Variants in ANKFN1 observed in about 807,000 individuals in gnomAD.
ANKFN1 encodes the protein ankyrin repeat and fibronectin type-III domain-containing protein 1.
Under a neutral mutation model 108.7 loss-of-function variants are expected in ANKFN1, and 74 were observed. The observed-to-expected ratio is 0.68, with a 90% CI of 0.56 to 0.83. The LOEUF is 0.83. Ranked by LOEUF, ANKFN1 falls within the 40% of genes least tolerant of loss-of-function variation. ANKFN1 has a pLI of 0.00. For missense variants in ANKFN1, 1,505 were observed against 1,382.3 expected, an observed-to-expected ratio of 1.09 and a Z score of -1.41; for synonymous variants, 547 against 516.2, an observed-to-expected ratio of 1.06 and a Z score of -0.81.
At chr17:56,443,073 T>A in intron 10 of ANKFN1, 140 bp downstream of exon 10, 1 of 697,996 alleles carries the variant, frequency 1.4e-6, no homozygotes. Context: ...GGCCACATAA[T>A]GAATGATTCC....
chr17:56,444,309 G>C (rs1034459952), intron 10 of ANKFN1, among the ~76,000 whole-genome samples: 1 of 152,058 alleles, frequency 6.6e-6, no homozygotes, highest in African/African-American at 2.4e-5. Flanking sequence ...TTCAACTGTA[G>C]GTTTGTACAT....
intron 11 of ANKFN1, among the ~76,000 whole-genome samples, chr17:56,450,010 G>A (rs1470456573): frequency 1.3e-5 from 2 of 152,166 alleles, no homozygotes; most frequent in Non-Finnish European, 2.9e-5. Flanking sequence ...GTAACGATTC[G>A]TGGAAGAGGT....
chr17:56,159,018 A>G (rs544859357), intron 1 of ANKFN1, among the ~76,000 whole-genome samples: 1 of 136,726 alleles, frequency 7.3e-6, no homozygotes, highest in Non-Finnish European at 1.5e-5. Flanking sequence ...ACCACCATCT[A>G]GGAATGGTCT....
chr17:56,370,380 C>G (rs1005665364), intron 6 of ANKFN1, among the ~76,000 whole-genome samples: 15 of 152,104 alleles, frequency 9.9e-5, no homozygotes, highest in African/African-American at 2.7e-4. Flanking sequence ...GAGAAGCTGT[C>G]CATCTGAAAT....
intron 4 of ANKFN1, among the ~76,000 whole-genome samples, chr17:56,079,150 G>C (rs1256510457): frequency 6.6e-6 from 1 of 152,190 alleles, no homozygotes; most frequent in Admixed American, 6.5e-5. Context: ...CTCATAAGGA[G>C]TGTGACGAGG....
At chr17:56,437,349 G>A (rs954165231) in intron 8 of ANKFN1, among the ~76,000 whole-genome samples, 1 of 152,088 alleles carries the variant, frequency 6.6e-6, no homozygotes, top group African/African-American at 2.4e-5. Context: ...TTAATCATTT[G>A]CCAAATAATC....
Position 56,449,154 on chromosome 17 carries a change from T to C in ANKFN1, c.1175T>C (p.Val392Ala), listed in dbSNP as rs1285719590. The change falls in exon 11 of 21, where the codon GTC (valine) becomes GCC (alanine). Residue 392 changes from valine (V) to alanine (A), a missense_variant. Coordinates refer to ENST00000682825, the MANE Select transcript of ANKFN1 (RefSeq NM_001370326.1). ...SEVLEGLLQQ[V>A]RALHQHYSCR... Reference sequence around the variant, plus strand: ...GTTTTGGAAGGTCTGCTGCAGCAGGTCCGAGCCCTTCATCAGCATTACAGT... The same window carrying C: ...GTTTTGGAAGGTCTGCTGCAGCAGGCCCGAGCCCTTCATCAGCATTACAGT... 1 of 1,613,406 alleles carries C rather than the reference T, an allele frequency of 6.2e-7. No homozygotes were observed. The highest frequency in any genetic ancestry group is 1.7e-5 in the Admixed American group (1 of 59,966).
At chr17:56,100,448 CA>C (rs1905622706) in intron 4 of ANKFN1, among the ~76,000 whole-genome samples, 1 of 152,152 alleles carries the variant, frequency 6.6e-6, no homozygotes, top group South Asian at 2.1e-4. Flanking sequence ...CAATGTATTA[CA>C]CATGAAAAAT....
intron 14 of ANKFN1, among the ~76,000 whole-genome samples, chr17:56,465,426 C>T (rs1297594099): frequency 1.3e-5 from 2 of 152,168 alleles, no homozygotes; most frequent in Admixed American, 6.5e-5. Context: ...CTGGCTCATT[C>T]ATTTTTAGGT....
At chr17:56,440,681 C>G (rs576077187) in intron 9 of ANKFN1, among the ~76,000 whole-genome samples, 1 of 152,270 alleles carries the variant, frequency 6.6e-6, no homozygotes, top group South Asian at 2.1e-4. Context: ...TTGAAAGCTG[C>G]TGCTTTCTGG....
chr17:56,310,656 T>C (rs111550434), intron 3 of ANKFN1, among the ~76,000 whole-genome samples: 4,764 of 151,784 alleles, frequency 0.031, 150 homozygotes, highest in African/African-American at 0.072. Context: ...AAATTGGATA[T>C]AGCTAAGGTG....
At chr17:56,218,760 C>A (rs1598259411) in intron 2 of ANKFN1, among the ~76,000 whole-genome samples, 1 of 152,152 alleles carries the variant, frequency 6.6e-6, no homozygotes, top group East Asian at 1.9e-4. Context: ...GACAGTCCCT[C>A]TCCCTGGAAT....
chr17:56,362,444 C>T (rs2046547060), intron 6 of ANKFN1, among the ~76,000 whole-genome samples: 1 of 152,126 alleles, frequency 6.6e-6, no homozygotes, highest in South Asian at 2.1e-4. Flanking sequence ...GAAATGAAAC[C>T]ATGAATGGAC....
At chr17:56,453,437 T>G (rs1249818890) in intron 11 of ANKFN1, among the ~76,000 whole-genome samples, 1 of 152,194 alleles carries the variant, frequency 6.6e-6, no homozygotes, top group African/African-American at 2.4e-5. Context: ...AAACTATTCT[T>G]GAATTAAATC....
In ANKFN1 at chr17:56,215,939, A is replaced by G. The variant is rs558827456; in HGVS notation, c.12+3260A>G. Reference sequence around the variant, plus strand: ...CACTGCACTCTATTGAATAGCCATGACATGTTGAATATGCTAGACACCATG... The same window carrying G: ...CACTGCACTCTATTGAATAGCCATGGCATGTTGAATATGCTAGACACCATG... On this transcript the variant is annotated intron_variant, in intron 2 of 20. Coordinates refer to ENST00000682825, the MANE Select transcript of ANKFN1 (RefSeq NM_001370326.1). 7 of 152,528 alleles carry G rather than the reference A, an allele frequency of 4.6e-5. No individual in the cohort carries two copies. In the South Asian group the frequency reaches 1.4e-3, roughly 32 times the overall value. 9.4% of individuals were successfully genotyped at this position (152,528 alleles called of 1,614,324 possible).
At chr17:56,510,279 T>G (rs2051702359) in intron 20 of ANKFN1, among the ~76,000 whole-genome samples, 194 bp from the exon 21 acceptor site, 1 of 152,132 alleles carries the variant, frequency 6.6e-6, no homozygotes, top group Admixed American at 6.5e-5. Flanking sequence ...CTACATAATT[T>G]GTGGGGTCCT....
chr17:56,351,410 A>G (rs988972125), intron 5 of ANKFN1, among the ~76,000 whole-genome samples: 2 of 151,756 alleles, frequency 1.3e-5, no homozygotes, highest in Non-Finnish European at 2.9e-5. Context: ...ATGATAGACA[A>G]AGAGAGAGGA....
At chr17:56,170,839 C>CAG (rs1910630954) in intron 1 of ANKFN1, among the ~76,000 whole-genome samples, 2 of 141,520 alleles carry the variant, frequency 1.4e-5, no homozygotes, top group Non-Finnish European at 3.1e-5. Context: ...CACACATATA[C>CAG]ACACATATAT....
At chr17:56,092,481 A>G (rs1041908471) in intron 4 of ANKFN1, among the ~76,000 whole-genome samples, 2 of 150,862 alleles carry the variant, frequency 1.3e-5, no homozygotes. Context: ...TCACTGTGTT[A>G]GCCAGGATGG....
Sources: gnomAD v4.1 joint callset for allele counts (sites outside exome capture counted in the v4.1 genomes callset) on GRCh38, gnomAD v4.1.1 for gene constraint, MANE v1.5 for transcripts, NCBI Gene and HGNC (gene_info 2026-07-23, HGNC 2026-07-21) for gene names.